ACOT11: variants seen among roughly 807,000 people sequenced by gnomAD.
ACOT11 encodes acyl-coenzyme A thioesterase 11.
In ACOT11, 69 loss-of-function variants were observed where a neutral mutation model predicts 77.5. The observed-to-expected ratio is 0.89, with a 90% confidence interval of 0.73 to 1.09. ACOT11 has a LOEUF of 1.09. ACOT11 is among the 50% of genes least tolerant of loss of function. The pLI, the probability that ACOT11 is intolerant of heterozygous loss-of-function variation, is 0.00. For missense variants in ACOT11, 766 were observed against 813.7 expected (o/e 0.94, Z 0.71); for synonymous variants, 279 against 313.0 (o/e 0.89, Z 1.15).
chr1:54,594,494 G>A (rs1654824935), intron 5 of ACOT11, 62 bp from the exon 6 acceptor site: 1 of 1,559,916 alleles, frequency 6.4e-7, no homozygotes, highest in Admixed American at 1.8e-5. Flanking sequence ...CTGGGGACAG[G>A]CCCTTGTGCT....
downstream of ACOT11, chr1:54,610,812 C>G: frequency 1.0e-6 from 1 of 985,344 alleles, no homozygotes; most frequent in African/African-American, 1.7e-5. Context: ...GTATCCTTCC[C>G]GCTCGCTTAG....
intron 1 of ACOT11, among the ~76,000 whole-genome samples, chr1:54,562,792 CCA>C (rs1219735275): frequency 2.1e-5 from 2 of 93,096 alleles, no homozygotes; most frequent in Non-Finnish European, 4.6e-5. Flanking sequence ...GAGGCGCTCC[CCA>C]CATCTCAGAC....
In ACOT11 at chr1:54,585,891, G is replaced by T; in HGVS notation, c.298G>T (p.Glu100Ter). The change falls in exon 3 of 16, where the codon GAG becomes TAG. Residue 100 changes from glutamate (E) to a stop codon, truncating the protein, a stop_gained. Coordinates refer to ENST00000343744, the MANE Select transcript of ACOT11 (RefSeq NM_147161.4). LOFTEE classifies it high-confidence loss of function. ...AGCTTCCATGGATGACATCTATTTT[G>T]AGCACACCATTAGGTAAGTGGCCCC... ...VTASMDDIYF[E>*]HTISVGQVVN... The T allele has an allele frequency of 6.2e-7, 1 of 1,614,026 alleles. No homozygotes were observed. Among genetic ancestry groups the T allele is most frequent in the South Asian group, 1.1e-5 (1 of 91,070 alleles).
At chr1:54,636,707 C>T (rs576622981) in exon 17 of ACOT11, 43 of 152,176 alleles carry the variant, frequency 2.8e-4, no homozygotes, top group Middle Eastern at 3.4e-3. Context: ...TCCCTTCCCA[C>T]GAGGCCATAT....
chr1:54,602,819 G>A, intron 10 of ACOT11, 95 bp downstream of exon 10: 1 of 1,328,796 alleles, frequency 7.5e-7, no homozygotes, highest in Non-Finnish European at 1.0e-6. Context: ...AGCTGCCTGT[G>A]CGTTGGGCCC....
At chr1:54,610,961 G>A (rs920212307), downstream of ACOT11, 42 of 985,264 alleles carry the variant, frequency 4.3e-5, no homozygotes, top group African/African-American at 7.3e-4. Flanking sequence ...TACAGTGGAG[G>A]CCTCTGAAAC....
chr1:54,605,036 C>A lies in ACOT11; in HGVS notation c.1237-40C>A, dbSNP rs373488701. 5.2e-5 allele frequency: 82 copies of A among 1,587,814 alleles called. 1 individual carries two copies. The African/African-American group carries it at 9.3e-4, about 18-fold the overall frequency. On this transcript the variant is annotated intron_variant, in intron 12 of 15. Coordinates refer to ENST00000343744, the MANE Select transcript of ACOT11 (RefSeq NM_147161.4). ...CCTCCAGCATCCCCATCAGTCCACT[C>A]CACCACCCAGCAAATGAGGCTGCCC...
chr1:54,565,087 C>T (rs983391292), intron 1 of ACOT11, among the ~76,000 whole-genome samples: 1 of 152,154 alleles, frequency 6.6e-6, no homozygotes, highest in Admixed American at 6.5e-5. Flanking sequence ...CCTCCTTGGC[C>T]TTTGAGTTTA....
intron 4 of ACOT11, among the ~76,000 whole-genome samples, chr1:54,593,165 G>T (rs932939425): frequency 6.6e-6 from 1 of 152,224 alleles, no homozygotes; most frequent in African/African-American, 2.4e-5. Flanking sequence ...CACCAGCTGG[G>T]CCAGTGGTTC....
chr1:54,553,073 C>G (rs931953098), intron 1 of ACOT11, among the ~76,000 whole-genome samples: 1 of 144,386 alleles, frequency 6.9e-6, no homozygotes, highest in Admixed American at 6.9e-5. Flanking sequence ...GTGAGCCACC[C>G]GCCTAGGCCT....
At position 54,583,762 on chromosome 1, in the gene ACOT11, C is replaced by T. The variant is rs374886368; in HGVS notation, c.34-893C>T. On this transcript the variant is annotated intron_variant, in intron 1 of 15. Coordinates refer to ENST00000343744, the MANE Select transcript of ACOT11 (RefSeq NM_147161.4). ...CTAAGTGCCATATAAACATTAGTGGCGACTGTCATCACCACCACACAATTG... is the reference window on the plus strand; with the variant it reads ...CTAAGTGCCATATAAACATTAGTGGTGACTGTCATCACCACCACACAATTG... Among the ~76,000 whole-genome samples, 352 of 152,292 alleles carry T rather than the reference C, an allele frequency of 2.3e-3. 1 individual carries two copies. Among genetic ancestry groups the T allele is most frequent in the Non-Finnish European group, 3.9e-3 (263 of 68,030 alleles).
chr1:54,626,152 C>T (rs555401930), intron 15 of ACOT11, among the ~76,000 whole-genome samples: 10 of 151,744 alleles, frequency 6.6e-5, no homozygotes, highest in East Asian at 1.9e-4. Context: ...CCCAGCTACT[C>T]GGGATTACAG....
rs1644078161 is a variant in ACOT11 at position 54,609,191 on chromosome 1, C to CA, written c.*82dup. 3.7e-6 allele frequency: 6 copies of CA among 1,600,030 alleles called. No homozygotes were observed. Among genetic ancestry groups the CA allele is most frequent in the Non-Finnish European group, 5.1e-6 (6 of 1,172,218 alleles). On this transcript the variant is annotated 3_prime_UTR_variant, in exon 16 of 16. Coordinates refer to ENST00000343744, the MANE Select transcript of ACOT11 (RefSeq NM_147161.4). Reference sequence around the variant, plus strand: ...CTCACATACAGTGCCTGGAGAAAGCCAAAGACCTTTATTTCTTCCTGCCTC... The same window carrying CA: ...CTCACATACAGTGCCTGGAGAAAGCCAAAAGACCTTTATTTCTTCCTGCCTC...
intron 3 of ACOT11, among the ~76,000 whole-genome samples, chr1:54,589,338 TAGAGA>T (rs1654624483): frequency 1.4e-5 from 2 of 146,778 alleles, no homozygotes; most frequent in African/African-American, 2.5e-5. Flanking sequence ...TTTTTTTTTT[TAGAGA>T]AGGATTCTTT....
At chr1:54,614,459 A>G (rs768474831), downstream of ACOT11, among the ~76,000 whole-genome samples, 11 of 152,190 alleles carry the variant, frequency 7.2e-5, no homozygotes, top group Non-Finnish European at 1.2e-4. Context: ...GCCCAGAGGA[A>G]GTCCTGCAGT....
intron 15 of ACOT11, chr1:54,623,443 C>G: frequency 7.3e-7 from 1 of 1,375,340 alleles, no homozygotes; most frequent in East Asian, 2.3e-5. Context: ...GCCCAGAGTC[C>G]CTGAGGCTCC....
chr1:54,622,519 A>C lies in ACOT11; in HGVS notation c.1630-8215A>C, dbSNP rs576404526. 5.3e-5 allele frequency among the ~76,000 whole-genome samples: 8 copies of C among 152,082 alleles called. No homozygotes were observed. The South Asian group carries it at 1.7e-3, about 32-fold the overall frequency. ...CTTGAACCTGGGAGGCGGAGGTTGCAGTGAGCCAAGATCACACTCCAGCCT... is the reference window on the plus strand; with the variant it reads ...CTTGAACCTGGGAGGCGGAGGTTGCCGTGAGCCAAGATCACACTCCAGCCT... On this transcript the variant is annotated intron_variant, in intron 15 of 16. Transcript: ENST00000371316.
At chr1:54,602,817 G>A (rs1643980314) in intron 10 of ACOT11, 93 bp downstream of exon 10, 4 of 1,338,940 alleles carry the variant, frequency 3.0e-6, no homozygotes, top group Non-Finnish European at 4.0e-6. Context: ...AGAGCTGCCT[G>A]TGCGTTGGGC....
At position 54,605,084 on chromosome 1, in the gene ACOT11, G is replaced by C. The variant is rs1183089963; in HGVS notation, c.1245G>C (p.Leu415=). 6.2e-7 allele frequency: 1 copy of C among 1,613,464 alleles called. No homozygotes were observed. The highest frequency in any genetic ancestry group is 1.7e-5 in the Admixed American group (1 of 60,006). The change falls in exon 13 of 16, where the codon CTG becomes CTC. Residue 415 remains leucine, a synonymous_variant. Transcript: ENST00000343744. The part of the protein sequence containing the change: ...VLSSEISQVR[L]YTLEDDKFLS... ...CCCTCTATCCCATGCAGGTCCGCCT[G>C]TACACTCTGGAGGATGACAAGTTCC...
Sources: allele counts gnomAD v4.1 joint callset (sites outside exome capture counted in the v4.1 genomes callset), GRCh38; gene constraint gnomAD v4.1.1; transcripts MANE v1.5; gene names NCBI Gene and HGNC (gene_info 2026-07-23, HGNC 2026-07-21).